Variants in GRIK3 observed in about 807,000 individuals in gnomAD.
GRIK3 encodes glutamate receptor ionotropic, kainate 3.
A neutral mutation model predicts 102.5 loss-of-function variants in GRIK3; 29 were observed. The ratio of observed to expected loss-of-function variants is 0.28; its 90% confidence interval spans 0.21 to 0.39. The LOEUF (loss-of-function observed/expected upper bound fraction) is 0.39, where lower values mean the gene tolerates loss of function less well. GRIK3 is among the 10% of genes least tolerant of loss of function. The pLI is 1.00. For synonymous variants in GRIK3, 511 were observed against 504.9 expected, an observed-to-expected ratio of 1.01 and a Z score of -0.16; for missense variants, 908 against 1,252.4, an observed-to-expected ratio of 0.73 and a Z score of 4.15.
intron 8 of GRIK3, among the ~76,000 whole-genome samples, chr1:36,852,093 C>T (rs1640592170): frequency 6.6e-6 from 1 of 152,200 alleles, no homozygotes. Context: ...GATGAGAACT[C>T]ATAGAGTTTG....
At chr1:36,989,090 A>T (rs1384090322) in intron 1 of GRIK3, among the ~76,000 whole-genome samples, 1 of 151,982 alleles carries the variant, frequency 6.6e-6, no homozygotes, top group East Asian at 1.9e-4. Context: ...GCACAAACAC[A>T]GGCTCACGCC....
At chr1:37,026,405 A>G (rs1642764772) in intron 1 of GRIK3, among the ~76,000 whole-genome samples, 1 of 152,218 alleles carries the variant, frequency 6.6e-6, no homozygotes, top group African/African-American at 2.4e-5. Context: ...ACAAGGCTGC[A>G]TGGAGTATGG....
Position 36,918,484 on chromosome 1 carries a change from G to A in GRIK3, c.116-27388C>T, listed in dbSNP as rs145279752. On this transcript the variant is annotated intron_variant, in intron 1 of 15. Coordinates refer to ENST00000373091, the MANE Select transcript of GRIK3 (RefSeq NM_000831.4). Reference sequence around the variant, plus strand: ...GCGACAAAGTATCTGATCCCTTCTCGTGCATCAGGTAGTGTGCCAAATGCT... The same window carrying A: ...GCGACAAAGTATCTGATCCCTTCTCATGCATCAGGTAGTGTGCCAAATGCT... Among the ~76,000 whole-genome samples the A allele has an allele frequency of 2.8e-4, 43 of 152,162 alleles. 1 individual carries two copies. Among genetic ancestry groups the A allele is most frequent in the South Asian group, 2.1e-4 (1 of 4,806 alleles).
chr1:36,930,373 T>C (rs1157539332), intron 1 of GRIK3, among the ~76,000 whole-genome samples: 1 of 152,206 alleles, frequency 6.6e-6, no homozygotes, highest in African/African-American at 2.4e-5. Context: ...TTATACTCTG[T>C]TCTCATCAGC....
At chr1:36,905,985 C>T (rs1055258275) in intron 1 of GRIK3, among the ~76,000 whole-genome samples, 3 of 152,172 alleles carry the variant, frequency 2.0e-5, no homozygotes, top group African/African-American at 7.2e-5. Context: ...ATCATCTCAA[C>T]AAGGATGGTG....
At chr1:36,970,109 T>C (rs1301121119) in intron 1 of GRIK3, among the ~76,000 whole-genome samples, 1 of 152,198 alleles carries the variant, frequency 6.6e-6, no homozygotes, top group Non-Finnish European at 1.5e-5. Flanking sequence ...TGGAGACCTG[T>C]GTTAGCAGCC....
intron 1 of GRIK3, among the ~76,000 whole-genome samples, chr1:36,978,863 C>T (rs1198714587): frequency 6.6e-6 from 1 of 152,184 alleles, no homozygotes; most frequent in Non-Finnish European, 1.5e-5. Flanking sequence ...AGTCACACGG[C>T]CAGCTAGATT....
At chr1:37,027,767 G>A (rs1193820939) in intron 1 of GRIK3, among the ~76,000 whole-genome samples, 1 of 152,104 alleles carries the variant, frequency 6.6e-6, no homozygotes, top group African/African-American at 2.4e-5. Context: ...GTGACTTTGG[G>A]CAGTGCAGCT....
rs11442581 is a variant in GRIK3, at chr1:36,840,551, C to CAAAA, written c.1530+1181_1530+1184dup. 2.9e-4 allele frequency among the ~76,000 whole-genome samples: 21 copies of CAAAA among 73,292 alleles called. 1 individual carries two copies. Among genetic ancestry groups the CAAAA allele is most frequent in the African/African-American group, 8.6e-4 (16 of 18,686 alleles). The allele number at this position is 73,292 out of a possible 152,430, so 48.1% of individuals were successfully genotyped here. A position where few individuals can be genotyped will look rare whatever the true frequency, so the allele number is the denominator to read the frequency against. Reference sequence around the variant, plus strand: ...AACAAAGTGAGACCCTGCTCTCCACCAAAAAAAAAAAAAAAAAAAAAAAAA... The same window carrying CAAAA: ...AACAAAGTGAGACCCTGCTCTCCACCAAAAAAAAAAAAAAAAAAAAAAAAAAAAA... On this transcript the variant is annotated intron_variant, in intron 10 of 15. Coordinates refer to ENST00000373091, the MANE Select transcript of GRIK3 (RefSeq NM_000831.4).
Position 36,886,010 on chromosome 1 carries a change from G to A in GRIK3, c.292+4910C>T, listed in dbSNP as rs79091881. ...AGCAGCCCAGAGAATAAGTGAAGGCGGAGGAGCCTGGGGAGCCCTGGGTCA... is the reference window on the plus strand; with the variant it reads ...AGCAGCCCAGAGAATAAGTGAAGGCAGAGGAGCCTGGGGAGCCCTGGGTCA... On this transcript the variant is annotated intron_variant, in intron 2 of 15. Transcript: ENST00000373091. 7.2e-4 allele frequency among the ~76,000 whole-genome samples: 109 copies of A among 152,244 alleles called. 2 individuals are homozygous for A. The South Asian group carries it at 8.7e-3, about 12-fold the overall frequency.
chr1:36,835,297 C>T (rs962687519), intron 10 of GRIK3, among the ~76,000 whole-genome samples: 6 of 152,242 alleles, frequency 3.9e-5, no homozygotes, highest in Non-Finnish European at 8.8e-5. Flanking sequence ...TTCTCATAGA[C>T]GCTGCTGCAA....
chr1:37,019,931 C>T (rs2124074173), intron 1 of GRIK3, among the ~76,000 whole-genome samples: 1 of 152,280 alleles, frequency 6.6e-6, no homozygotes, highest in South Asian at 2.1e-4. Context: ...TTTCTATTTG[C>T]TGTGTGACGT....
At chr1:36,847,650 T>A (rs1321127112) in intron 9 of GRIK3, among the ~76,000 whole-genome samples, 2 of 152,230 alleles carry the variant, frequency 1.3e-5, no homozygotes, top group Non-Finnish European at 2.9e-5. Context: ...TAATTAATCA[T>A]TCATGCTCTG....
chr1:36,957,538 G>GAGCCTGTGTGC (rs1470618657), intron 1 of GRIK3, among the ~76,000 whole-genome samples: 16 of 34,392 alleles, frequency 4.7e-4, no homozygotes, highest in Admixed American at 6.8e-4. Flanking sequence ...TGTGCCCCGT[G>GAGCCTGTGTGC]TCCTGTGCCC....
At chr1:36,807,097 A>G (rs1642509885) in intron 13 of GRIK3, among the ~76,000 whole-genome samples, 3 of 152,110 alleles carry the variant, frequency 2.0e-5, no homozygotes, top group African/African-American at 7.2e-5. Context: ...GGTGGTCTGC[A>G]AACCCCCTTC....
chr1:36,856,773 G>T (rs1391032135), intron 7 of GRIK3, among the ~76,000 whole-genome samples: 2 of 152,224 alleles, frequency 1.3e-5, no homozygotes, highest in African/African-American at 4.8e-5. Flanking sequence ...ATGGTGGGCA[G>T]TGGTGAATCT....
In GRIK3 at chr1:36,817,153, C is replaced by T. The variant is rs757365724; in HGVS notation, c.1998G>A (p.Met666Ile). Residue 666 changes from methionine to isoleucine, a missense_variant, in exon 13 of 16, where the codon ATG becomes ATA. Met to Ile is a conservative substitution (Grantham distance 10). Transcript: ENST00000373091. ...NLAAFLTVERMESPIDSADDL... is the reference protein window; with the variant it reads ...NLAAFLTVERIESPIDSADDL... ...CATCAGCAGAGTCAATGGGTGATTC[C>T]ATGCGCTCCACGGTCAGAAAGGCAG... 3.1e-6 allele frequency: 5 copies of T among 1,614,130 alleles called. No homozygotes were observed. Among genetic ancestry groups the T allele is most frequent in the Non-Finnish European group, 4.2e-6 (5 of 1,179,994 alleles).
chr1:36,892,058 G>A lies in GRIK3; in HGVS notation c.116-962C>T, dbSNP rs181565711. Among the ~76,000 whole-genome samples the A allele has an allele frequency of 2.0e-5, 3 of 152,096 alleles. No homozygotes were observed. The East Asian group carries it at 5.8e-4, about 29-fold the overall frequency. ...TTTGAGATGGAGTTTCACTCTTGTC[G>A]CTCAGGCTGGAGTGCAGTGGCACAA... On this transcript the variant is annotated intron_variant, in intron 1 of 15. Transcript: ENST00000373091.
intron 1 of GRIK3, among the ~76,000 whole-genome samples, chr1:36,957,941 G>C (rs930083517): frequency 1.5e-5 from 1 of 65,292 alleles, no homozygotes; most frequent in Non-Finnish European, 2.8e-5. Flanking sequence ...CCATGAGCCT[G>C]TGTGTCCCAT....
Sources: allele counts gnomAD v4.1 joint callset (sites outside exome capture counted in the v4.1 genomes callset), GRCh38; gene constraint gnomAD v4.1.1; transcripts MANE v1.5; gene names NCBI Gene and HGNC (gene_info 2026-07-23, HGNC 2026-07-21).